SPDYA: variants seen among roughly 807,000 people sequenced by gnomAD.
SPDYA encodes the protein speedy protein A.
SPDYA carries 11 observed loss-of-function variants against 36.7 expected under a neutral mutation model. The ratio of observed to expected loss-of-function variants is 0.30; its 90% CI spans 0.19 to 0.50. The LOEUF is 0.50. Ranked by LOEUF, SPDYA falls within the 20% of genes least tolerant of loss-of-function variation. The probability of loss-of-function intolerance (pLI) is 0.98; values close to 1 mark genes in which losing one functional copy is unlikely to be tolerated. For missense variants in SPDYA, 287 were observed against 370.9 expected (o/e 0.77, Z 1.86); for synonymous variants, 115 against 118.7 (o/e 0.97, Z 0.20).
In SPDYA at chr2:28,817,923, G is replaced by A. The variant is rs918511296; in HGVS notation, c.236-1125G>A. ...TGCCTGTAATCCTAGCACTTTGGGA[G>A]GCCAAGGCAAGTGGATCGCTTGAGC... On this transcript the variant is annotated intron_variant, in intron 3 of 7. Coordinates refer to ENST00000334056, the MANE Select transcript of SPDYA (RefSeq NM_182756.4). Among the ~76,000 whole-genome samples the A allele has an allele frequency of 2.0e-5, 3 of 150,444 alleles. No homozygotes were observed. The East Asian group carries it at 5.9e-4, about 30-fold the overall frequency.
At chr2:28,845,302 C>G (rs2148109243) in intron 7 of SPDYA, among the ~76,000 whole-genome samples, 1 of 144,704 alleles carries the variant, frequency 6.9e-6, no homozygotes, top group Admixed American at 7.1e-5. Flanking sequence ...GTTGCCCAGA[C>G]TGGTGCTGGT....
At chr2:28,822,071 G>GTGGGATTA (rs1668183559) in intron 4 of SPDYA, among the ~76,000 whole-genome samples, 1 of 152,050 alleles carries the variant, frequency 6.6e-6, no homozygotes, top group African/African-American at 2.4e-5. Flanking sequence ...TGGGATTTTA[G>GTGGGATTA]CTCAAACTAT....
At chr2:28,819,556 C>T (rs1029586224) in intron 4 of SPDYA, among the ~76,000 whole-genome samples, 3 of 151,772 alleles carry the variant, frequency 2.0e-5, no homozygotes, top group Non-Finnish European at 4.4e-5. Context: ...AGCTAGCCTG[C>T]ACTGCTCCTT....
At chr2:28,831,994 A>C (rs1363593254) in intron 6 of SPDYA, among the ~76,000 whole-genome samples, 3 of 152,168 alleles carry the variant, frequency 2.0e-5, no homozygotes, top group Non-Finnish European at 4.4e-5. Flanking sequence ...GATCACTGCC[A>C]TCAGAATGTA....
At chr2:28,846,722 T>TACACACACACACACACACAC (rs58731880) in intron 7 of SPDYA, among the ~76,000 whole-genome samples, 2 of 126,478 alleles carry the variant, frequency 1.6e-5, no homozygotes, top group African/African-American at 6.1e-5. Flanking sequence ...AGAAGAAAAC[T>TACACACACACACACACACAC]ACACACACAC....
chr2:28,845,458 T>C (rs1366303667), intron 7 of SPDYA, among the ~76,000 whole-genome samples: 3 of 152,132 alleles, frequency 2.0e-5, no homozygotes, highest in Admixed American at 6.6e-5. Context: ...ATAACTCCAT[T>C]GTAAGTCAAA....
At position 28,818,342 on chromosome 2, in the gene SPDYA, AC is replaced by A. The variant is rs1259468182; in HGVS notation, c.236-704del. Among the ~76,000 whole-genome samples, 3 of 151,582 alleles carry A rather than the reference AC, an allele frequency of 2.0e-5. No individual in the cohort carries two copies. In the East Asian group the frequency reaches 5.8e-4, roughly 30 times the overall value. ...AGGAGCCTGGCGTGGTGGCATATGCACCTGTAGTTCCAGGTACTCAGGAGTC... is the reference window on the plus strand; with the variant it reads ...AGGAGCCTGGCGTGGTGGCATATGCACTGTAGTTCCAGGTACTCAGGAGTC... On this transcript the variant is annotated intron_variant, in intron 3 of 7. Transcript: ENST00000334056.
intron 1 of SPDYA, among the ~76,000 whole-genome samples, chr2:28,812,987 C>T (rs1391965598): frequency 6.6e-6 from 1 of 151,702 alleles, no homozygotes; most frequent in African/African-American, 2.4e-5. Context: ...TCGTTCCTTT[C>T]CTCTTGCTTG....
intron 3 of SPDYA, 104 bp from the exon 4 acceptor site, chr2:28,818,944 T>G: frequency 1.1e-6 from 1 of 887,014 alleles, no homozygotes; most frequent in Non-Finnish European, 1.8e-6. Flanking sequence ...TTCATTTTTG[T>G]TTTATTTCTA....
In SPDYA at chr2:28,850,158, T is replaced by C. The variant is rs751909108; in HGVS notation, c.*217T>C. 9 of 1,567,326 alleles carry C rather than the reference T, an allele frequency of 5.7e-6. 1 individual carries two copies. The South Asian group carries it at 8.0e-5, about 14-fold the overall frequency. On this transcript the variant is annotated 3_prime_UTR_variant, in exon 8 of 8. Transcript: ENST00000334056. Reference sequence around the variant, plus strand: ...TTTTCAATATAAAGTTCTATTTTGATATTTTTCCATCTTCAAGTCAGTTAC... The same window carrying C: ...TTTTCAATATAAAGTTCTATTTTGACATTTTTCCATCTTCAAGTCAGTTAC...
At chr2:28,819,130 A>G in intron 4 of SPDYA, 24 bp downstream of exon 4, 5 of 1,534,096 alleles carry the variant, frequency 3.3e-6, no homozygotes, top group Non-Finnish European at 4.5e-6. Flanking sequence ...CAGTATAACA[A>G]TTAACCAGCA....
At chr2:28,812,781 C>A (rs1041377840) in intron 1 of SPDYA, among the ~76,000 whole-genome samples, 1 of 143,314 alleles carries the variant, frequency 7.0e-6, no homozygotes, top group Non-Finnish European at 1.5e-5. Context: ...CGCTTGAACC[C>A]AGGAGGCGGA....
chr2:28,828,132 G>A (rs775431061), intron 5 of SPDYA, among the ~76,000 whole-genome samples: 5 of 151,868 alleles, frequency 3.3e-5, no homozygotes, highest in Non-Finnish European at 2.9e-5. Context: ...GATTACAGGC[G>A]CAGGCCACCA....
chr2:28,846,565 T>C (rs141402682), intron 7 of SPDYA, among the ~76,000 whole-genome samples: 99 of 152,210 alleles, frequency 6.5e-4, no homozygotes, highest in African/African-American at 2.3e-3. Flanking sequence ...CAGCCAGACA[T>C]AGACATAGAA....
At position 28,850,383 on chromosome 2, in the gene SPDYA, T is replaced by C. The variant is rs35053465; in HGVS notation, c.*442T>C. The C allele has an allele frequency of 2.8e-3, 4,483 of 1,608,322 alleles. 92 individuals are homozygous for C. The African/African-American group carries it at 0.05, about 18-fold the overall frequency. On this transcript the variant is annotated 3_prime_UTR_variant, in exon 8 of 8. Transcript: ENST00000334056. ...TAGCAACATAGGGAAATGATCCATA[T>C]GGAAAATCAGAATGCGATTCTTCTG...
At chr2:28,818,979 T>C (rs1668064433) in intron 3 of SPDYA, 69 bp from the exon 4 acceptor site, 1 of 1,241,776 alleles carries the variant, frequency 8.1e-7, no homozygotes, top group Non-Finnish European at 1.2e-6. Context: ...TCTCTTGACA[T>C]AGAAATTAAT....
chr2:28,818,977 CA>C, intron 3 of SPDYA, 70 bp from the exon 4 acceptor site: 1 of 1,210,868 alleles, frequency 8.3e-7, no homozygotes, highest in Non-Finnish European at 1.2e-6. Context: ...AATCTCTTGA[CA>C]TAGAAATTAA....
rs113861618 is a variant in SPDYA at position 28,816,275 on chromosome 2, G to A, written c.235+26G>A. 1,364 of 1,493,746 alleles carry A rather than the reference G, an allele frequency of 9.1e-4. 16 individuals carry two copies. The African/African-American group carries it at 0.017, about 18-fold the overall frequency. 92.5% of individuals were successfully genotyped at this position (1,493,746 alleles called of 1,614,324 possible). On this transcript the variant is annotated intron_variant, in intron 3 of 7. Transcript: ENST00000334056. Reference sequence around the variant, plus strand: ...GTAGGTTTAAAATATTGTAATAGTGGTAATTATAAAGTACTAAAAACCTAG... The same window carrying A: ...GTAGGTTTAAAATATTGTAATAGTGATAATTATAAAGTACTAAAAACCTAG...
intron 1 of SPDYA, among the ~76,000 whole-genome samples, chr2:28,813,880 CT>C (rs893830470): frequency 1.1e-4 from 17 of 152,030 alleles, no homozygotes; most frequent in African/African-American, 4.1e-4. Flanking sequence ...GCTGCTCTTA[CT>C]TTGAAAAAAA....
Sources: allele counts gnomAD v4.1 joint callset (sites outside exome capture counted in the v4.1 genomes callset), GRCh38; gene constraint gnomAD v4.1.1; transcripts MANE v1.5; gene names NCBI Gene and HGNC (gene_info 2026-07-23, HGNC 2026-07-21).